The following DUSP10 variants were observed in gnomAD, a reference collection of about 807,000 sequenced individuals.
The protein encoded by DUSP10 is dual specificity protein phosphatase 10.
Under a neutral mutation model 30.8 loss-of-function variants are expected in DUSP10, and 14 were observed. The ratio of observed to expected loss-of-function variants is 0.46; its 90% CI spans 0.30 to 0.71. The LOEUF is 0.71. Ranked by LOEUF, DUSP10 falls within the 30% of genes least tolerant of loss-of-function variation. DUSP10 has a pLI of 0.08. For synonymous variants in DUSP10, 254 were observed against 250.4 expected (o/e 1.01, Z -0.14); for missense variants, 550 against 619.4 (o/e 0.89, Z 1.19).
chr1:221,710,233 C>T lies in DUSP10; in HGVS notation c.812-3767G>A, dbSNP rs1293556766. ...CTAAATTCCAACAGATCTATGCACA[C>T]GCATAGTCCATGAGAGCCCTAAGTG... On this transcript the variant is annotated intron_variant, in intron 2 of 3. Coordinates refer to ENST00000366899, the MANE Select transcript of DUSP10 (RefSeq NM_007207.6). Among the ~76,000 whole-genome samples the T allele has an allele frequency of 4.8e-4, 73 of 152,126 alleles. 1 individual carries two copies. The highest frequency in any genetic ancestry group is 3.1e-3 in the Admixed American group (48 of 15,280).
Position 221,706,310 on chromosome 1 carries a change from G to T in DUSP10, c.968C>A (p.Thr323Asn). The T allele has an allele frequency of 1.9e-6, 3 of 1,614,164 alleles. No homozygotes were observed. The highest frequency in any genetic ancestry group is 2.5e-6 in the Non-Finnish European group (3 of 1,179,992). Reference sequence around the variant, plus strand: ...AAGGAACAGGAAGGGCAAGATGGGGGTGAGCTCAGCGTTCTCGATGTCAGG... The same window carrying T: ...AAGGAACAGGAAGGGCAAGATGGGGTTGAGCTCAGCGTTCTCGATGTCAGG... ...TTPDIENAEL[T>N]PILPFLFLGN... The change falls in exon 3 of 4, where the codon ACC becomes AAC. Residue 323 changes from threonine to asparagine, a missense_variant. Physicochemically the swap from Thr to Asn is moderately conservative, Grantham distance 65 (BLOSUM62 0). Transcript: ENST00000366899. This position sits in a 1 kb window ranked among gnomAD's most constrained non-coding sequence, Gnocchi z 4.6.
chr1:221,735,163 T>G (rs1191246915), intron 2 of DUSP10, among the ~76,000 whole-genome samples: 2 of 152,224 alleles, frequency 1.3e-5, no homozygotes, highest in African/African-American at 4.8e-5. Context: ...ATTTCCCTCT[T>G]CTTCTCACAT....
intron 2 of DUSP10, among the ~76,000 whole-genome samples, chr1:221,723,355 G>T (rs1201679218): frequency 6.6e-6 from 1 of 152,220 alleles, no homozygotes; most frequent in Non-Finnish European, 1.5e-5. Context: ...GCAGCACTTA[G>T]CTCTCTCAGC....
chr1:221,727,337 A>C lies in DUSP10; in HGVS notation c.811+11597T>G, dbSNP rs903219285. 2.6e-5 allele frequency among the ~76,000 whole-genome samples: 4 copies of C among 152,208 alleles called. No individual in the cohort carries two copies. In the East Asian group the frequency reaches 7.7e-4, roughly 29 times the overall value. On this transcript the variant is annotated intron_variant, in intron 2 of 3. Transcript: ENST00000366899. Reference sequence around the variant, plus strand: ...ATTTGCTTATTTAACAACAACTCAGATACTAATCCAAAGGATTATATACTG... The same window carrying C: ...ATTTGCTTATTTAACAACAACTCAGCTACTAATCCAAAGGATTATATACTG...
chr1:221,709,307 T>TG (rs371170955), intron 2 of DUSP10, among the ~76,000 whole-genome samples: 1 of 148,664 alleles, frequency 6.7e-6, no homozygotes, highest in Admixed American at 6.6e-5. Flanking sequence ...ATTTGCCTAA[T>TG]GGGGGGAAAA....
intron 2 of DUSP10, among the ~76,000 whole-genome samples, chr1:221,708,595 T>C (rs181404059): frequency 6.6e-6 from 1 of 152,320 alleles, no homozygotes; most frequent in African/African-American, 2.4e-5. Flanking sequence ...CCCTTACATA[T>C]GATAGTTTAT....
At chr1:221,703,479 C>G (rs1354302648) in intron 3 of DUSP10, among the ~76,000 whole-genome samples, 1 of 152,162 alleles carries the variant, frequency 6.6e-6, no homozygotes, top group East Asian at 1.9e-4. Flanking sequence ...CCCAGAAAAT[C>G]CAGTTGTTGC....
chr1:221,739,961 A>G (rs906249350), intron 1 of DUSP10, among the ~76,000 whole-genome samples, 174 bp from the exon 2 acceptor site: 3 of 152,240 alleles, frequency 2.0e-5, no homozygotes, highest in Non-Finnish European at 2.9e-5. Flanking sequence ...AAGAGGATGC[A>G]AACCTGAGGG....
chr1:221,735,160 T>A (rs1661726671), intron 2 of DUSP10, among the ~76,000 whole-genome samples: 1 of 152,222 alleles, frequency 6.6e-6, no homozygotes, highest in African/African-American at 2.4e-5. Flanking sequence ...ACCATTTCCC[T>A]CTTCTTCTCA....
intron 2 of DUSP10, among the ~76,000 whole-genome samples, chr1:221,736,363 T>C (rs1320410373): frequency 6.6e-6 from 1 of 152,176 alleles, no homozygotes; most frequent in African/African-American, 2.4e-5. Context: ...AGTTTCCTCC[T>C]TATGTTCTAA....
Position 221,721,847 on chromosome 1 carries a change from A to T in DUSP10, c.812-15381T>A, listed in dbSNP as rs564998139. Among the ~76,000 whole-genome samples, 3 of 152,308 alleles carry T rather than the reference A, an allele frequency of 2.0e-5. No individual in the cohort carries two copies. The East Asian group carries it at 5.8e-4, about 29-fold the overall frequency. On this transcript the variant is annotated intron_variant, in intron 2 of 3. Transcript: ENST00000366899. ...TTTAATATACATTTATTAAGCACTAAATATGAAATGGGGGCACAGTGCTCA... is the reference window on the plus strand; with the variant it reads ...TTTAATATACATTTATTAAGCACTATATATGAAATGGGGGCACAGTGCTCA...
At chr1:221,715,168 TAA>T (rs1661060829) in intron 2 of DUSP10, among the ~76,000 whole-genome samples, 1 of 152,214 alleles carries the variant, frequency 6.6e-6, no homozygotes, top group Non-Finnish European at 1.5e-5. Flanking sequence ...GGAAGAATTT[TAA>T]AAAATTATTG....
chr1:221,736,921 G>A, intron 2 of DUSP10: 1 of 985,452 alleles, frequency 1.0e-6, no homozygotes, highest in African/African-American at 1.7e-5. Context: ...CGCAGTGGCT[G>A]CCCAGGGCGC....
chr1:221,738,555 T>C (rs1571834967), intron 2 of DUSP10, among the ~76,000 whole-genome samples: 1 of 152,204 alleles, frequency 6.6e-6, no homozygotes, highest in East Asian at 1.9e-4. Context: ...ATTGGTTAAG[T>C]CTGAGAGACA....
chr1:221,734,648 G>A (rs1274781860), intron 2 of DUSP10, among the ~76,000 whole-genome samples: 1 of 152,100 alleles, frequency 6.6e-6, no homozygotes, highest in African/African-American at 2.4e-5. Context: ...AGGAACTGAA[G>A]GATTCAGTTC....
intron 2 of DUSP10, chr1:221,737,517 C>T (rs543954284): frequency 6.2e-6 from 6 of 970,774 alleles, no homozygotes; most frequent in African/African-American, 1.8e-5. Context: ...ATATTTGTGA[C>T]CTCAAGAAAA....
At position 221,714,670 on chromosome 1, in the gene DUSP10, CG is replaced by C. The variant is rs1661044019; in HGVS notation, c.812-8205del. On this transcript the variant is annotated intron_variant, in intron 2 of 3. Transcript: ENST00000366899. ...AAAATCTGGCACATCCACCACCAGTCGGCCTTTTTCCTCTGGGAAGTCACCT... is the reference window on the plus strand; with the variant it reads ...AAAATCTGGCACATCCACCACCAGTCGCCTTTTTCCTCTGGGAAGTCACCT... 3.3e-5 allele frequency among the ~76,000 whole-genome samples: 5 copies of C among 152,286 alleles called. No homozygotes were observed. The South Asian group carries it at 8.3e-4, about 25-fold the overall frequency.
In DUSP10 at chr1:221,739,329, C is replaced by T; in HGVS notation, c.416G>A (p.Gly139Glu). 1.9e-6 allele frequency: 3 copies of T among 1,614,026 alleles called. No homozygotes were observed. Among genetic ancestry groups the T allele is most frequent in the Non-Finnish European group, 2.5e-6 (3 of 1,179,956 alleles). Reference protein sequence around the residue: ...PSSGVGSPVSGTPKQLASIKI... With the variant: ...PSSGVGSPVSETPKQLASIKI... ...GATGCTGGCTAGCTGCTTGGGGGTCCCTGACACAGGGCTGCCCACCCCACT... is the reference window on the plus strand; with the variant it reads ...GATGCTGGCTAGCTGCTTGGGGGTCTCTGACACAGGGCTGCCCACCCCACT... The change falls in exon 2 of 4, where the codon GGG becomes GAG. Residue 139 changes from glycine to glutamate, a missense_variant. By Grantham distance (98) the Gly-to-Glu change is moderately conservative. Coordinates refer to ENST00000366899, the MANE Select transcript of DUSP10 (RefSeq NM_007207.6).
chr1:221,740,845 G>A (rs768136159), intron 1 of DUSP10, among the ~76,000 whole-genome samples: 1 of 152,178 alleles, frequency 6.6e-6, no homozygotes, highest in Non-Finnish European at 1.5e-5. Flanking sequence ...TCTGCAAAAA[G>A]ACAGCTCCTT....
Sources: gnomAD v4.1 joint callset for allele counts (sites outside exome capture counted in the v4.1 genomes callset) on GRCh38, gnomAD v4.1.1 for gene constraint, Gnocchi (gnomAD v3.1) non-coding constraint, MANE v1.5 for transcripts, NCBI Gene and HGNC (gene_info 2026-07-23, HGNC 2026-07-21) for gene names.